DIAPH3: variants seen among roughly 807,000 people sequenced by gnomAD.
DIAPH3 encodes protein diaphanous homolog 3.
A neutral mutation model predicts 144.3 loss-of-function variants in DIAPH3; 117 were observed. That is an observed-to-expected ratio of 0.81 (90% confidence interval 0.70 to 0.95). DIAPH3 has a LOEUF of 0.95. Among genes scored for constraint, DIAPH3 ranks in the 40% least tolerant of loss-of-function variants. The pLI, the probability that DIAPH3 is intolerant of heterozygous loss-of-function variation, is 0.00. For missense variants in DIAPH3, 1,421 were observed against 1,412.7 expected (o/e 1.01, Z -0.09); for synonymous variants, 519 against 488.9 (o/e 1.06, Z -0.81).
chr13:59,669,534 A>C lies in DIAPH3; in HGVS notation c.3320-2688T>G, dbSNP rs866042793. On this transcript the variant is annotated intron_variant, in intron 27 of 27. Transcript: ENST00000400324. ...CCTGTTAGGATGAATCAACCTTCCG[A>C]GCTCCCCTCTGAGGACAGCCCTCAA... 1.5e-4 allele frequency among the ~76,000 whole-genome samples: 23 copies of C among 152,122 alleles called. No individual in the cohort carries two copies. In the Middle Eastern group the frequency reaches 0.01, roughly 67 times the overall value.
chr13:60,023,878 CAG>C (rs1201664583), intron 5 of DIAPH3, among the ~76,000 whole-genome samples: 1 of 88,172 alleles, frequency 1.1e-5, no homozygotes, highest in African/African-American at 4.7e-5. Flanking sequence ...TTTTTTGAGA[CAG>C]AGTCTCGCTC....
chr13:59,824,855 A>C (rs1159813188), intron 24 of DIAPH3, among the ~76,000 whole-genome samples: 1 of 152,130 alleles, frequency 6.6e-6, no homozygotes, highest in Non-Finnish European at 1.5e-5. Flanking sequence ...AACTATGAGT[A>C]AGAAAGAAGT....
At chr13:60,035,735 C>T (rs2762132) in intron 5 of DIAPH3, among the ~76,000 whole-genome samples, 114,738 of 152,088 alleles carry the variant, frequency 0.75, 43,424 homozygotes, top group Admixed American at 0.81. Context: ...AGTGTCAAAA[C>T]AATAAAGAAC....
intron 1 of DIAPH3, among the ~76,000 whole-genome samples, chr13:60,137,531 G>A (rs780596264): frequency 3.3e-5 from 5 of 152,150 alleles, no homozygotes; most frequent in African/African-American, 9.6e-5. Context: ...AAGACTTTTC[G>A]CAAATTTTAT....
intron 27 of DIAPH3, among the ~76,000 whole-genome samples, chr13:59,706,382 C>A (rs2138792321): frequency 6.6e-6 from 1 of 152,092 alleles, no homozygotes; most frequent in Non-Finnish European, 1.5e-5. Flanking sequence ...CATATAATAC[C>A]AAACAATGGT....
chr13:59,895,773 T>A (rs1286706425), intron 20 of DIAPH3, among the ~76,000 whole-genome samples: 1 of 152,136 alleles, frequency 6.6e-6, no homozygotes, highest in Non-Finnish European at 1.5e-5. Context: ...AAAGGCCTAC[T>A]CAAGAGAAGT....
At chr13:59,681,681 G>A (rs1169882356) in intron 27 of DIAPH3, among the ~76,000 whole-genome samples, 1 of 151,810 alleles carries the variant, frequency 6.6e-6, no homozygotes, top group Non-Finnish European at 1.5e-5. Flanking sequence ...CACTTACTAA[G>A]TGCCAGGTTT....
intron 17 of DIAPH3, among the ~76,000 whole-genome samples, chr13:59,962,908 G>C (rs530603620): frequency 3.0e-4 from 45 of 152,086 alleles, no homozygotes; most frequent in Non-Finnish European, 5.7e-4. Context: ...TATTTTGAAA[G>C]TATATGTGAA....
At chr13:59,766,368 T>C (rs574870809) in intron 27 of DIAPH3, among the ~76,000 whole-genome samples, 1 of 152,278 alleles carries the variant, frequency 6.6e-6, no homozygotes, top group Non-Finnish European at 1.5e-5. Context: ...TCTTCTGACA[T>C]TCCCTAGAGA....
chr13:60,093,186 C>T (rs986005057), intron 4 of DIAPH3, among the ~76,000 whole-genome samples: 2 of 152,180 alleles, frequency 1.3e-5, no homozygotes, highest in African/African-American at 4.8e-5. Flanking sequence ...TCAATACCAA[C>T]ATTTATAATT....
intron 27 of DIAPH3, among the ~76,000 whole-genome samples, chr13:59,674,530 T>C (rs560832681): frequency 1.2e-3 from 176 of 152,324 alleles, no homozygotes; most frequent in African/African-American, 4.1e-3. Flanking sequence ...AACCTCAACG[T>C]GGCCATTTCT....
intron 25 of DIAPH3, among the ~76,000 whole-genome samples, chr13:59,790,185 G>T (rs1005633290): frequency 1.3e-5 from 2 of 152,154 alleles, no homozygotes; most frequent in Non-Finnish European, 2.9e-5. Flanking sequence ...ATAAATCAGG[G>T]TGCTATGAAA....
At chr13:59,676,304 C>G (rs1479606892) in intron 27 of DIAPH3, among the ~76,000 whole-genome samples, 1 of 152,196 alleles carries the variant, frequency 6.6e-6, no homozygotes, top group Non-Finnish European at 1.5e-5. Context: ...TTGGTCAGCT[C>G]TAATAATTAC....
At chr13:60,120,151 G>A (rs1470013538) in intron 2 of DIAPH3, among the ~76,000 whole-genome samples, 3 of 152,276 alleles carry the variant, frequency 2.0e-5, no homozygotes, top group African/African-American at 7.2e-5. Flanking sequence ...AGTACAACAG[G>A]GAACTTGTGA....
chr13:59,987,450 A>G (rs1273868735), intron 12 of DIAPH3, among the ~76,000 whole-genome samples: 2 of 146,664 alleles, frequency 1.4e-5, no homozygotes, highest in Non-Finnish European at 3.0e-5. Flanking sequence ...CAATGTGCAC[A>G]TGTACCCTAA....
intron 4 of DIAPH3, among the ~76,000 whole-genome samples, chr13:60,047,720 G>C (rs1050396215): frequency 6.6e-6 from 1 of 152,172 alleles, no homozygotes; most frequent in Non-Finnish European, 1.5e-5. Flanking sequence ...AGAAGGCAAA[G>C]ATTTCTTAAA....
chr13:60,000,035 T>C (rs922370301), intron 9 of DIAPH3, among the ~76,000 whole-genome samples: 1 of 152,210 alleles, frequency 6.6e-6, no homozygotes, highest in African/African-American at 2.4e-5. Flanking sequence ...TTGTTCTTTA[T>C]ATATGACCAG....
chr13:60,112,309 T>C, intron 2 of DIAPH3, 123 bp from the exon 3 acceptor site: 1 of 1,129,926 alleles, frequency 8.9e-7, no homozygotes, highest in Admixed American at 2.0e-5. Context: ...TCAAGAGGCA[T>C]TCAGCATTGG....
intron 5 of DIAPH3, among the ~76,000 whole-genome samples, chr13:60,028,686 C>A (rs2054560645): frequency 6.6e-6 from 1 of 152,150 alleles, no homozygotes; most frequent in Non-Finnish European, 1.5e-5. Flanking sequence ...TATGTAAGCT[C>A]CAGACTCACA....
Sources: allele counts gnomAD v4.1 joint callset (sites outside exome capture counted in the v4.1 genomes callset), GRCh38; gene constraint gnomAD v4.1.1; transcripts MANE v1.5; gene names NCBI Gene and HGNC (gene_info 2026-07-23, HGNC 2026-07-21).